The following PDE1A variants were observed in gnomAD, a reference collection of about 807,000 sequenced individuals.
PDE1A encodes phosphodiesterase 1A.
Under a neutral mutation model 61.7 loss-of-function variants are expected in PDE1A, and 35 were observed. That is an observed-to-expected ratio of 0.57 (90% CI 0.43 to 0.75). The LOEUF is 0.75. Ranked by LOEUF, PDE1A falls within the 30% of genes least tolerant of loss-of-function variation. The pLI, the probability that PDE1A is intolerant of heterozygous loss-of-function variation, is 0.00. For synonymous variants in PDE1A, 232 were observed against 213.2 expected, an observed-to-expected ratio of 1.09 and a Z score of -0.77; for missense variants, 597 against 630.6, an observed-to-expected ratio of 0.95 and a Z score of 0.57.
At chr2:182,390,177 A>G (rs1701342050) in intron 1 of PDE1A, among the ~76,000 whole-genome samples, 1 of 152,178 alleles carries the variant, frequency 6.6e-6, no homozygotes, top group Admixed American at 6.5e-5. Flanking sequence ...AATCTAGACT[A>G]ACACAGATTT....
chr2:182,688,055 G>T, the PDE1A span, among the ~76,000 whole-genome samples: 65 of 152,310 alleles, frequency 4.3e-4, no homozygotes, highest in African/African-American at 1.5e-3. Flanking sequence ...GGTCTGACTG[G>T]TGTACCTGAA....
At chr2:182,663,944 CAGA>C in the PDE1A span, among the ~76,000 whole-genome samples, 1 of 151,916 alleles carries the variant, frequency 6.6e-6, no homozygotes, top group Admixed American at 6.6e-5. Flanking sequence ...GTGAAAAGAT[CAGA>C]CATAGACTAA....
chr2:182,249,071 C>T (rs940207928), intron 2 of PDE1A, among the ~76,000 whole-genome samples: 5 of 152,208 alleles, frequency 3.3e-5, no homozygotes, highest in Admixed American at 3.3e-4. Context: ...TTCTCAGCTC[C>T]TTGTGTGACA....
At chr2:182,328,014 A>C (rs1697157788) in intron 1 of PDE1A, among the ~76,000 whole-genome samples, 1 of 152,174 alleles carries the variant, frequency 6.6e-6, no homozygotes, top group Admixed American at 6.6e-5. Flanking sequence ...TATAGGAATG[A>C]AGGTAGAATA....
At chr2:182,264,184 T>C (rs1692434285) in intron 2 of PDE1A, 117 bp downstream of exon 2, 2 of 594,032 alleles carry the variant, frequency 3.4e-6, no homozygotes, top group African/African-American at 3.7e-5. Flanking sequence ...TAAGATTTGA[T>C]TTTGGTTTCA....
intron 1 of PDE1A, among the ~76,000 whole-genome samples, chr2:182,414,223 A>G (rs1347088789): frequency 6.6e-6 from 1 of 152,152 alleles, no homozygotes; most frequent in Non-Finnish European, 1.5e-5. Context: ...GAAGAGACTG[A>G]ATTGTAACTA....
chr2:182,171,207 G>A (rs1169289663), intron 13 of PDE1A, among the ~76,000 whole-genome samples: 4 of 151,982 alleles, frequency 2.6e-5, no homozygotes, highest in African/African-American at 9.7e-5. Context: ...AATTACAAAT[G>A]TAGGTCATAG....
At chr2:182,559,150 A>T in the PDE1A span, among the ~76,000 whole-genome samples, 3 of 152,220 alleles carry the variant, frequency 2.0e-5, no homozygotes, top group African/African-American at 7.2e-5. Flanking sequence ...AAAAACCATT[A>T]TAACATTAAA....
chr2:182,317,490 G>A (rs975607083), intron 1 of PDE1A, among the ~76,000 whole-genome samples: 2 of 152,122 alleles, frequency 1.3e-5, no homozygotes, highest in African/African-American at 2.4e-5. Flanking sequence ...TAGAAATGCA[G>A]ATAGGCAAGT....
chr2:182,279,892 G>C (rs1693687103), intron 1 of PDE1A, among the ~76,000 whole-genome samples: 1 of 151,656 alleles, frequency 6.6e-6, no homozygotes, highest in African/African-American at 2.4e-5. Flanking sequence ...TTTTAAAATG[G>C]TATGCTTATT....
At chr2:182,211,372 C>G (rs899041396) in intron 7 of PDE1A, among the ~76,000 whole-genome samples, 6 of 152,114 alleles carry the variant, frequency 3.9e-5, no homozygotes, top group Non-Finnish European at 7.4e-5. Context: ...TTTCATTGAT[C>G]TATTTGTCTG....
intron 2 of PDE1A, among the ~76,000 whole-genome samples, chr2:182,485,734 A>G (rs1209511155): frequency 6.6e-6 from 1 of 152,066 alleles, no homozygotes; most frequent in Admixed American, 6.6e-5. Context: ...AGAATAAAGG[A>G]CAGAAAAGCA....
At chr2:182,657,385 C>A in the PDE1A span, among the ~76,000 whole-genome samples, 4 of 152,294 alleles carry the variant, frequency 2.6e-5, no homozygotes, top group South Asian at 8.3e-4. Flanking sequence ...AACACTATTA[C>A]AAATATAAAT....
intron 4 of PDE1A, 110 bp downstream of exon 4, chr2:182,234,322 G>A (rs1031789542): frequency 1.3e-5 from 9 of 696,920 alleles, no homozygotes; most frequent in African/African-American, 3.7e-5. Flanking sequence ...ATTTTTTAAC[G>A]TTCTAAGATG....
chr2:182,712,612 A>T, the PDE1A span, among the ~76,000 whole-genome samples: 1 of 152,156 alleles, frequency 6.6e-6, no homozygotes, highest in Non-Finnish European at 1.5e-5. Context: ...GCTGGAGTGC[A>T]GTGGCCTGAT....
At chr2:182,715,923 A>C in the PDE1A span, 1 of 151,742 alleles carries the variant, frequency 6.6e-6, no homozygotes, top group Admixed American at 6.6e-5. Flanking sequence ...CCTTTAAAAG[A>C]CTCTCAGGGA....
At chr2:182,576,026 A>G in the PDE1A span, among the ~76,000 whole-genome samples, 1 of 150,396 alleles carries the variant, frequency 6.6e-6, no homozygotes, top group Non-Finnish European at 1.5e-5. Context: ...CTGTATATAC[A>G]TTATCTGATT....
At position 182,360,321 on chromosome 2, in the gene PDE1A, CATCACTCACAGA is replaced by C. The variant is rs1699425765; in HGVS notation, c.53+66245_53+66256del. 2.6e-5 allele frequency among the ~76,000 whole-genome samples: 4 copies of C among 152,016 alleles called. 1 individual carries two copies. The South Asian group carries it at 8.3e-4, about 31-fold the overall frequency. On this transcript the variant is annotated intron_variant, in intron 1 of 13. Transcript: ENST00000351439. Reference sequence around the variant, plus strand: ...ACTTTTAAATTCGTATAATCTCATCCATCACTCACAGAGAGTGAGGCAATCGGATTTGGCAAG... The same window carrying C: ...ACTTTTAAATTCGTATAATCTCATCCGAGTGAGGCAATCGGATTTGGCAAG...
At chr2:182,308,222 T>A (rs1695725940) in intron 1 of PDE1A, among the ~76,000 whole-genome samples, 1 of 152,090 alleles carries the variant, frequency 6.6e-6, no homozygotes, top group African/African-American at 2.4e-5. Flanking sequence ...ACATAACATA[T>A]ATAATAACTA....
Sources: gnomAD v4.1 joint callset for allele counts (sites outside exome capture counted in the v4.1 genomes callset) on GRCh38, gnomAD v4.1.1 for gene constraint, MANE v1.5 for transcripts, NCBI Gene and HGNC (gene_info 2026-07-23, HGNC 2026-07-21) for gene names.